CNTNAP2: variants seen among roughly 807,000 people sequenced by gnomAD.
CNTNAP2 encodes contactin associated protein 2, also known as contactin-associated protein-like 2.
Under a neutral mutation model 155.2 loss-of-function variants are expected in CNTNAP2, and 98 were observed. That is an observed-to-expected ratio of 0.63 (90% CI 0.54 to 0.75). The LOEUF (loss-of-function observed/expected upper bound fraction) is 0.75. Ranked by LOEUF, CNTNAP2 falls within the 30% of genes least tolerant of loss-of-function variation. The pLI, the probability that CNTNAP2 is intolerant of heterozygous loss-of-function variation, is 0.00. For missense variants in CNTNAP2, 1,727 were observed against 1,688.1 expected (o/e 1.02, Z -0.40); for synonymous variants, 651 against 631.2 (o/e 1.03, Z -0.47).
At chr7:148,084,030 A>C (rs1803670508) in intron 15 of CNTNAP2, among the ~76,000 whole-genome samples, 1 of 152,226 alleles carries the variant, frequency 6.6e-6, no homozygotes, top group Non-Finnish European at 1.5e-5. Flanking sequence ...AAAATGTTAC[A>C]TTCTGATTTT....
intron 15 of CNTNAP2, among the ~76,000 whole-genome samples, chr7:148,010,114 A>G (rs1402819699): frequency 6.6e-6 from 1 of 152,062 alleles, no homozygotes; most frequent in Non-Finnish European, 1.5e-5. Context: ...CAATCTGATC[A>G]CATAAATGAA....
intron 1 of CNTNAP2, among the ~76,000 whole-genome samples, chr7:146,605,380 A>C (rs2129152794): frequency 6.6e-6 from 1 of 151,524 alleles, no homozygotes; most frequent in East Asian, 1.9e-4. Flanking sequence ...TCTGGATCAA[A>C]CATAACTCTT....
chr7:148,122,759 G>A (rs1485727905), intron 16 of CNTNAP2, among the ~76,000 whole-genome samples: 1 of 151,812 alleles, frequency 6.6e-6, no homozygotes, highest in African/African-American at 2.4e-5. Flanking sequence ...GGAAGACAGT[G>A]ATGAAGCATT....
intron 21 of CNTNAP2, among the ~76,000 whole-genome samples, chr7:148,379,540 C>A (rs181904568): frequency 6.6e-6 from 1 of 151,380 alleles, no homozygotes; most frequent in African/African-American, 2.4e-5. Flanking sequence ...CCCGCCTCTA[C>A]AAAAAAATAC....
chr7:146,565,836 A>G (rs1039977482), intron 1 of CNTNAP2, among the ~76,000 whole-genome samples: 3 of 152,268 alleles, frequency 2.0e-5, no homozygotes, highest in Non-Finnish European at 4.4e-5. Context: ...TAAAACTGCA[A>G]GCTTTAAGGA....
chr7:148,214,083 C>T (rs1189272885), intron 18 of CNTNAP2, among the ~76,000 whole-genome samples: 1 of 152,204 alleles, frequency 6.6e-6, no homozygotes, highest in Non-Finnish European at 1.5e-5. Context: ...CAGGTCCCAG[C>T]TTAGATGTCT....
At chr7:147,331,056 G>A (rs939946573) in intron 9 of CNTNAP2, among the ~76,000 whole-genome samples, 2 of 152,180 alleles carry the variant, frequency 1.3e-5, no homozygotes, top group Non-Finnish European at 1.5e-5. Flanking sequence ...GGACTAGTGA[G>A]TGACTGAAGC....
intron 9 of CNTNAP2, among the ~76,000 whole-genome samples, chr7:147,357,151 C>G (rs1272379975): frequency 6.6e-6 from 1 of 152,110 alleles, no homozygotes; most frequent in Non-Finnish European, 1.5e-5. Context: ...TATTATTATT[C>G]TTTCTGGGTC....
chr7:147,833,901 G>A (rs1798592965), intron 13 of CNTNAP2, among the ~76,000 whole-genome samples: 1 of 152,182 alleles, frequency 6.6e-6, no homozygotes, highest in African/African-American at 2.4e-5. Context: ...TGGTACCCCA[G>A]CTGGGGAGCG....
chr7:147,388,992 G>T (rs923548950), intron 9 of CNTNAP2, among the ~76,000 whole-genome samples: 3 of 152,070 alleles, frequency 2.0e-5, no homozygotes, highest in Admixed American at 6.6e-5. Flanking sequence ...CAGCCACATG[G>T]GGTGGAGATC....
intron 9 of CNTNAP2, among the ~76,000 whole-genome samples, chr7:147,341,719 C>G (rs966277404): frequency 1.4e-4 from 21 of 151,204 alleles, no homozygotes; most frequent in African/African-American, 5.1e-4. Context: ...CAACTCCTAC[C>G]CCAAACCCAA....
At chr7:146,285,470 G>A (rs1451491091) in intron 1 of CNTNAP2, among the ~76,000 whole-genome samples, 1 of 151,894 alleles carries the variant, frequency 6.6e-6, no homozygotes, top group African/African-American at 2.4e-5. Flanking sequence ...GTATACCACC[G>A]AGAAAACATT....
intron 1 of CNTNAP2, among the ~76,000 whole-genome samples, chr7:146,368,039 C>A (rs570094914): frequency 6.6e-6 from 1 of 152,206 alleles, no homozygotes; most frequent in South Asian, 2.1e-4. Context: ...TGAATTCTCT[C>A]TTGCTTTGAG....
At chr7:146,822,550 G>C (rs551277268) in intron 2 of CNTNAP2, among the ~76,000 whole-genome samples, 1 of 149,984 alleles carries the variant, frequency 6.7e-6, no homozygotes, top group African/African-American at 2.4e-5. Flanking sequence ...TCGTTGTTTT[G>C]TTCCTACAGT....
Position 148,415,598 on chromosome 7 carries a change from A to AAAGGAATGGCTCATTT in CNTNAP2, c.3979_3994dup (p.Ter1332=). ...TCACAGAGACCATTGATGAAAGCAAAAAGGAATGGCTCATTTGAGGGGTGG... is the reference window on the plus strand; with the variant it reads ...TCACAGAGACCATTGATGAAAGCAAAAAGGAATGGCTCATTTAAGGAATGGCTCATTTGAGGGGTGG... On this transcript the variant is annotated frameshift_variant, in exon 24 of 24. Transcript: ENST00000361727. LOFTEE classifies it high-confidence loss of function. The AAAGGAATGGCTCATTT allele has an allele frequency of 3.1e-6, 5 of 1,614,182 alleles. No homozygotes were observed. Among genetic ancestry groups the AAAGGAATGGCTCATTT allele is most frequent in the Non-Finnish European group, 4.2e-6 (5 of 1,180,018 alleles).
Position 146,287,110 on chromosome 7 carries a change from A to T in CNTNAP2, c.97+170137A>T, listed in dbSNP as rs534642369. ...TAAAGTAAAAGCAAATAAGGTAGAC[A>T]GGGACATTTCTGTTGTTACCACCTT... On this transcript the variant is annotated intron_variant, in intron 1 of 23. Transcript: ENST00000361727. Among the ~76,000 whole-genome samples the T allele has an allele frequency of 1.1e-3, 172 of 152,342 alleles. 1 individual carries two copies. Among genetic ancestry groups the T allele is most frequent in the Admixed American group, 2.4e-3 (36 of 15,306 alleles).
intron 1 of CNTNAP2, among the ~76,000 whole-genome samples, chr7:146,616,062 C>T (rs896546499): frequency 3.3e-5 from 5 of 152,106 alleles, no homozygotes; most frequent in African/African-American, 4.8e-5. Flanking sequence ...AACACCACTG[C>T]TCCATTTGTT....
chr7:148,089,253 G>A (rs1434496316), intron 15 of CNTNAP2, among the ~76,000 whole-genome samples: 1 of 151,942 alleles, frequency 6.6e-6, no homozygotes, highest in Non-Finnish European at 1.5e-5. Flanking sequence ...AGAAGACAAG[G>A]ATGCCCACTC....
At chr7:147,790,348 C>T (rs866942403) in intron 13 of CNTNAP2, among the ~76,000 whole-genome samples, 1 of 152,166 alleles carries the variant, frequency 6.6e-6, no homozygotes, top group African/African-American at 2.4e-5. Flanking sequence ...AGGAGCTTGG[C>T]TTTGCTTACT....
Sources: allele counts gnomAD v4.1 joint callset (sites outside exome capture counted in the v4.1 genomes callset), GRCh38; gene constraint gnomAD v4.1.1; transcripts MANE v1.5; gene names NCBI Gene and HGNC (gene_info 2026-07-23, HGNC 2026-07-21).